The following LRP1B variants were observed in gnomAD, a reference collection of about 807,000 sequenced individuals.
The protein encoded by LRP1B is low-density lipoprotein receptor-related protein 1B.
LRP1B carries 217 observed loss-of-function variants against 556.6 expected under a neutral mutation model. The ratio of observed to expected loss-of-function variants is 0.39; its 90% CI spans 0.35 to 0.44. LRP1B has a LOEUF of 0.44. LRP1B is among the 20% of genes least tolerant of loss of function. The pLI, the probability that LRP1B is intolerant of heterozygous loss-of-function variation, is 1.00. For missense variants in LRP1B, 5,053 were observed against 5,620.8 expected (o/e 0.90, Z 3.23); for synonymous variants, 2,047 against 1,865.8 (o/e 1.10, Z -2.50).
At chr2:140,480,292 C>A (rs1423459437) in intron 59 of LRP1B, among the ~76,000 whole-genome samples, 3 of 152,126 alleles carry the variant, frequency 2.0e-5, no homozygotes, top group African/African-American at 7.2e-5. Context: ...TCTAAAATAT[C>A]AAGTTACAGA....
intron 7 of LRP1B, among the ~76,000 whole-genome samples, chr2:141,166,279 C>T (rs1369977396): frequency 6.6e-6 from 1 of 151,850 alleles, no homozygotes; most frequent in Non-Finnish European, 1.5e-5. Flanking sequence ...CTTTCCTTCC[C>T]ATCGTTTTAT....
chr2:140,532,929 G>GATATATATATATATATAT (rs539867412), intron 47 of LRP1B, among the ~76,000 whole-genome samples: 3 of 50,406 alleles, frequency 6.0e-5, no homozygotes, highest in African/African-American at 1.8e-4. Flanking sequence ...CACAGCACAA[G>GATATATATATATATATAT]ATATATATAT....
Position 141,124,651 on chromosome 2 carries a change from T to C in LRP1B, c.1014-62378A>G, listed in dbSNP as rs74445002. Among the ~76,000 whole-genome samples the C allele has an allele frequency of 1.3e-3, 174 of 134,084 alleles. 1 individual carries two copies. Among genetic ancestry groups the C allele is most frequent in the East Asian group, 6.2e-3 (30 of 4,804 alleles). 88.0% of individuals were successfully genotyped at this position (134,084 alleles called of 152,430 possible). ...AATTCTGTGTACATCATTGAAGAGATGGAGTGACAAATGAAAAAAAAAAAA... is the reference window on the plus strand; with the variant it reads ...AATTCTGTGTACATCATTGAAGAGACGGAGTGACAAATGAAAAAAAAAAAA... On this transcript the variant is annotated intron_variant, in intron 7 of 90. Transcript: ENST00000389484.
At chr2:141,549,903 G>T (rs573805318) in intron 2 of LRP1B, among the ~76,000 whole-genome samples, 99 of 152,292 alleles carry the variant, frequency 6.5e-4, no homozygotes, top group African/African-American at 2.3e-3. Flanking sequence ...GCTGAGGCAG[G>T]AGAATTGCTT....
intron 2 of LRP1B, among the ~76,000 whole-genome samples, chr2:141,588,124 C>G (rs1235686615): frequency 3.3e-5 from 5 of 152,034 alleles, no homozygotes; most frequent in African/African-American, 1.2e-4. Context: ...TATGGAGAAC[C>G]AAAAATATAA....
chr2:141,884,637 C>T (rs1191999441), intron 1 of LRP1B, among the ~76,000 whole-genome samples: 1 of 152,174 alleles, frequency 6.6e-6, no homozygotes, highest in East Asian at 1.9e-4. Context: ...ATCTTTTAAA[C>T]ATACTCATGT....
At chr2:140,320,449 AG>A (rs1680048120) in intron 82 of LRP1B, among the ~76,000 whole-genome samples, 1 of 152,174 alleles carries the variant, frequency 6.6e-6, no homozygotes, top group African/African-American at 2.4e-5. Flanking sequence ...GCTGACTGTG[AG>A]GGTAAGGACC....
chr2:141,130,738 C>T (rs1701329431), intron 7 of LRP1B, among the ~76,000 whole-genome samples: 4 of 151,876 alleles, frequency 2.6e-5, no homozygotes, highest in Admixed American at 2.6e-4. Flanking sequence ...ATTTACACTC[C>T]CACCTTTTTA....
intron 2 of LRP1B, among the ~76,000 whole-genome samples, chr2:141,734,239 C>T (rs1693384474): frequency 6.6e-6 from 1 of 151,896 alleles, no homozygotes; most frequent in South Asian, 2.1e-4. Context: ...AATAAAAATT[C>T]TAATAATATA....
intron 3 of LRP1B, among the ~76,000 whole-genome samples, chr2:141,370,378 G>T (rs567409342): frequency 6.6e-6 from 1 of 152,154 alleles, no homozygotes; most frequent in Non-Finnish European, 1.5e-5. Context: ...TGTGGTTTTA[G>T]TTCACATTTC....
intron 43 of LRP1B, among the ~76,000 whole-genome samples, chr2:140,578,493 G>A (rs1230648728): frequency 2.0e-5 from 3 of 152,164 alleles, no homozygotes; most frequent in Non-Finnish European, 4.4e-5. Context: ...CTTCTACTCA[G>A]CAGTTACGAT....
At chr2:141,820,392 TGAACTAGGA>T (rs1308312740) in intron 1 of LRP1B, among the ~76,000 whole-genome samples, 17 of 152,188 alleles carry the variant, frequency 1.1e-4, no homozygotes, top group Non-Finnish European at 2.1e-4. Flanking sequence ...CAAAAATGCT[TGAACTAGGA>T]CAGTTCCGTT....
At chr2:141,768,606 G>A (rs1694801803) in intron 2 of LRP1B, among the ~76,000 whole-genome samples, 1 of 152,104 alleles carries the variant, frequency 6.6e-6, no homozygotes, top group Non-Finnish European at 1.5e-5. Flanking sequence ...GGCTAATCAT[G>A]AGTATGCTCA....
chr2:141,574,066 A>G (rs1384122624), intron 2 of LRP1B, among the ~76,000 whole-genome samples: 1 of 152,166 alleles, frequency 6.6e-6, no homozygotes, highest in Admixed American at 6.5e-5. Context: ...AACAATTGAA[A>G]AGGGGGGACT....
intron 33 of LRP1B, among the ~76,000 whole-genome samples, chr2:140,775,212 C>CA (rs1689450147): frequency 6.6e-6 from 1 of 151,890 alleles, no homozygotes; most frequent in Admixed American, 6.6e-5. Flanking sequence ...GCAGCGCTCT[C>CA]AATTGGTATG....
intron 57 of LRP1B, among the ~76,000 whole-genome samples, chr2:140,489,947 A>C (rs1437498663): frequency 6.6e-6 from 1 of 152,100 alleles, no homozygotes; most frequent in Non-Finnish European, 1.5e-5. Flanking sequence ...AAATTCCAAC[A>C]TATCTATCTA....
At chr2:140,373,590 G>A (rs1683090408) in intron 68 of LRP1B, among the ~76,000 whole-genome samples, 1 of 151,996 alleles carries the variant, frequency 6.6e-6, no homozygotes, top group South Asian at 2.1e-4. Flanking sequence ...AATAATTTTA[G>A]GTAATAATGA....
At chr2:140,261,720 TAAAC>T (rs72305920) in intron 86 of LRP1B, among the ~76,000 whole-genome samples, 5,708 of 151,878 alleles carry the variant, frequency 0.038, 360 homozygotes, top group African/African-American at 0.13. Flanking sequence ...ATATAGTAAA[TAAAC>T]ATAAGAGTGT....
At chr2:141,028,775 T>A (rs1015434355) in intron 11 of LRP1B, among the ~76,000 whole-genome samples, 1 of 152,168 alleles carries the variant, frequency 6.6e-6, no homozygotes, top group Non-Finnish European at 1.5e-5. Context: ...TAATGAATGT[T>A]TGCTCTATAG....
Sources: allele counts gnomAD v4.1 joint callset (sites outside exome capture counted in the v4.1 genomes callset), GRCh38; gene constraint gnomAD v4.1.1; transcripts MANE v1.5; gene names NCBI Gene and HGNC (gene_info 2026-07-23, HGNC 2026-07-21).